Variants in UMAD1 observed in about 807,000 individuals in gnomAD.
UMAD1 encodes UBAP1-MVB12-associated (UMA)-domain containing protein 1.
In UMAD1, 8 loss-of-function variants were observed where a neutral mutation model predicts 6.1. The observed-to-expected ratio is 1.30, with a 90% CI of 0.76 to 2.35. The LOEUF is 2.35. Ranked by LOEUF, UMAD1 falls within the 30% of genes most tolerant of loss-of-function variation. The pLI, the probability that UMAD1 is intolerant of heterozygous loss-of-function variation, is 0.00. For synonymous variants in UMAD1, 56 were observed against 31.4 expected (o/e 1.78, Z -2.61); for missense variants, 130 against 78.4 (o/e 1.66, Z -2.49).
At chr7:7,670,877 C>T (rs535443152) in intron 1 of UMAD1, among the ~76,000 whole-genome samples, 1 of 152,324 alleles carries the variant, frequency 6.6e-6, no homozygotes, top group East Asian at 1.9e-4. Context: ...GGACCCCTAT[C>T]TTGGGCCCAA....
rs111863595 is a variant in UMAD1 at position 7,733,212 on chromosome 7, A to G, written c.82+59759A>G. ...GATGGAAACTCCAGAATCTCTGGGT[A>G]GTCAGCTGAATGCCAATTTAAACCT... is the stretch of plus-strand genomic sequence containing the variant. On this transcript the variant is annotated intron_variant, in intron 2 of 3. Transcript: ENST00000682710. Among the ~76,000 whole-genome samples the G allele has an allele frequency of 1.4e-4, 22 of 152,310 alleles. 1 individual carries two copies. Among genetic ancestry groups the G allele is most frequent in the African/African-American group, 5.3e-4 (22 of 41,582 alleles).
intron 1 of UMAD1, among the ~76,000 whole-genome samples, chr7:7,672,218 G>A (rs1023243975): frequency 1.3e-5 from 2 of 152,026 alleles, no homozygotes; most frequent in African/African-American, 4.8e-5. Flanking sequence ...TATTTTTTTG[G>A]CTTGTAAGGA....
rs1784479993 is a variant in UMAD1, at chr7:7,879,147, T to A, written c.*1609T>A. On this transcript the variant is annotated 3_prime_UTR_variant, in exon 4 of 4. Coordinates refer to ENST00000682710, the MANE Select transcript of UMAD1 (RefSeq NM_001302348.2). ...TTATAAATGTTCATAAGTACCTTCA[T>A]GTGTCTATAAAAAATGTTATATTTA... is the stretch of plus-strand genomic sequence containing the variant. 1 of 152,180 alleles carries A rather than the reference T, an allele frequency of 6.6e-6. No homozygotes were observed. Among genetic ancestry groups the A allele is most frequent in the African/African-American group, 2.4e-5 (1 of 41,448 alleles). The allele number at this position is 152,180 out of a possible 1,614,324, so 9.4% of individuals were successfully genotyped here.
chr7:7,861,931 A>G (rs1237497394), intron 3 of UMAD1, among the ~76,000 whole-genome samples: 1 of 152,224 alleles, frequency 6.6e-6, no homozygotes, highest in Non-Finnish European at 1.5e-5. Context: ...GAGCAGCAGA[A>G]CAGATTAGTT....
rs553734008 is a variant in UMAD1, at chr7:7,824,404, C to T, written c.156+22661C>T. ...AAATATTTGTCATACATAAAACATT[C>T]ATATCATCAGGTTTTGTTCATTTTT... On this transcript the variant is annotated intron_variant, in intron 3 of 3. Coordinates refer to ENST00000682710, the MANE Select transcript of UMAD1 (RefSeq NM_001302348.2). Among the ~76,000 whole-genome samples, 18 of 152,236 alleles carry T rather than the reference C, an allele frequency of 1.2e-4. 1 individual carries two copies. The highest frequency in any genetic ancestry group is 3.3e-4 in the Admixed American group (5 of 15,282).
intron 3 of UMAD1, among the ~76,000 whole-genome samples, chr7:7,811,037 A>G (rs1783011668): frequency 6.6e-6 from 1 of 152,162 alleles, no homozygotes; most frequent in Admixed American, 6.6e-5. Flanking sequence ...CTCATTAATC[A>G]ACCTGTCAAT....
rs140422214 is a variant in UMAD1 at position 7,685,495 on chromosome 7, G to C, written c.82+12042G>C. On this transcript the variant is annotated intron_variant, in intron 2 of 3. Coordinates refer to ENST00000682710, the MANE Select transcript of UMAD1 (RefSeq NM_001302348.2). ...CACCAAGTTTTGTATTTTTAGTAGA[G>C]AAGGAGTTTCACCACTTTGGCCAGG... is the stretch of plus-strand genomic sequence containing the variant. Among the ~76,000 whole-genome samples, 585 of 152,130 alleles carry C rather than the reference G, an allele frequency of 3.8e-3. 5 individuals carry two copies. The highest frequency in any genetic ancestry group is 0.013 in the African/African-American group (557 of 41,508).
chr7:7,704,315 T>C (rs1201522333), intron 2 of UMAD1, among the ~76,000 whole-genome samples: 2 of 152,118 alleles, frequency 1.3e-5, no homozygotes, highest in African/African-American at 4.8e-5. Context: ...TTAATAAATA[T>C]ATTTAAAATT....
chr7:7,758,046 G>A (rs1162896620), intron 2 of UMAD1, among the ~76,000 whole-genome samples: 1 of 151,842 alleles, frequency 6.6e-6, no homozygotes, highest in Non-Finnish European at 1.5e-5. Flanking sequence ...TTGCTTGTTT[G>A]GGTTTTTTTA....
At chr7:7,710,621 A>G (rs1295338813) in intron 2 of UMAD1, among the ~76,000 whole-genome samples, 1 of 152,212 alleles carries the variant, frequency 6.6e-6, no homozygotes, top group Non-Finnish European at 1.5e-5. Context: ...AAATGGTACA[A>G]TTACTCTGGA....
At chr7:7,771,476 G>T (rs1782100333) in intron 2 of UMAD1, among the ~76,000 whole-genome samples, 1 of 152,280 alleles carries the variant, frequency 6.6e-6, no homozygotes, top group South Asian at 2.1e-4. Flanking sequence ...GATTTTGATT[G>T]CTGTCAGGTG....
chr7:7,703,355 A>G (rs1780515946), intron 2 of UMAD1, among the ~76,000 whole-genome samples: 1 of 152,218 alleles, frequency 6.6e-6, no homozygotes, highest in Non-Finnish European at 1.5e-5. Context: ...AGACTGAAGA[A>G]GAGATTTTCC....
At position 7,877,303 on chromosome 7, in the gene UMAD1, G is replaced by A. The variant is rs749662057; in HGVS notation, c.179G>A (p.Ser60Asn). Residue 60 changes from serine to asparagine, a missense_variant, in exon 4 of 4, where the codon AGT (serine) becomes AAT (asparagine). Coordinates refer to ENST00000682710, the MANE Select transcript of UMAD1 (RefSeq NM_001302348.2). The stretch of plus-strand genomic sequence containing the variant: ...TAGACCAACAAAGAAAATTCATCCA[G>A]TGTGACTGTATCAGACCCTGAGATG... ...PLETNKENSS[S>N]VTVSDPEMEN... is the part of the protein sequence containing the mutation. The A allele has an allele frequency of 8.4e-6, 6 of 716,568 alleles. No homozygotes were observed. The highest frequency in any genetic ancestry group is 5.9e-5 in the South Asian group (4 of 67,606). 44.4% of individuals were successfully genotyped at this position (716,568 alleles called of 1,614,324 possible).
chr7:7,823,679 ATAT>A (rs1419059843), intron 3 of UMAD1, among the ~76,000 whole-genome samples: 1 of 152,150 alleles, frequency 6.6e-6, no homozygotes. Context: ...TTTGAAAAAC[ATAT>A]TAGCGTATAT....
intron 3 of UMAD1, among the ~76,000 whole-genome samples, chr7:7,843,530 C>T (rs1263287799): frequency 2.0e-5 from 3 of 152,110 alleles, no homozygotes; most frequent in Admixed American, 1.3e-4. Flanking sequence ...CTAACACGCA[C>T]ATAATATATG....
chr7:7,694,016 G>T (rs1780244052), intron 2 of UMAD1, among the ~76,000 whole-genome samples: 1 of 152,032 alleles, frequency 6.6e-6, no homozygotes, highest in Admixed American at 6.6e-5. Flanking sequence ...TTGATATAAG[G>T]CAACTGAGTT....
intron 3 of UMAD1, among the ~76,000 whole-genome samples, chr7:7,845,275 CT>C (rs1245472583): frequency 2.0e-5 from 3 of 151,570 alleles, no homozygotes; most frequent in Non-Finnish European, 1.5e-5. Flanking sequence ...TTTCCTTTTC[CT>C]TTTTTACTGT....
chr7:7,657,574 C>T (rs1159477563), intron 1 of UMAD1, among the ~76,000 whole-genome samples: 3 of 152,046 alleles, frequency 2.0e-5, no homozygotes, highest in African/African-American at 4.8e-5. Flanking sequence ...TAGGGAGTCC[C>T]TTCCCCATGC....
intron 3 of UMAD1, among the ~76,000 whole-genome samples, chr7:7,803,038 T>C (rs1782834038): frequency 6.6e-6 from 1 of 152,238 alleles, no homozygotes; most frequent in Non-Finnish European, 1.5e-5. Flanking sequence ...CTTTCACTTA[T>C]GCATGCAACA....
Sources: gnomAD v4.1 joint callset for allele counts (sites outside exome capture counted in the v4.1 genomes callset) on GRCh38, gnomAD v4.1.1 for gene constraint, MANE v1.5 for transcripts, NCBI Gene and HGNC (gene_info 2026-07-23, HGNC 2026-07-21) for gene names.